PCCA: variants seen among roughly 807,000 people sequenced by gnomAD.
PCCA encodes propionyl-CoA carboxylase subunit alpha.
PCCA carries 74 observed loss-of-function variants against 101.3 expected under a neutral mutation model. The ratio of observed to expected loss-of-function variants is 0.73; its 90% CI spans 0.61 to 0.89. The LOEUF is 0.89. Among genes scored for constraint, PCCA ranks in the 40% least tolerant of loss-of-function variants. The pLI is 0.00. For missense variants in PCCA, 891 were observed against 907.0 expected (o/e 0.98, Z 0.23); for synonymous variants, 294 against 313.6 (o/e 0.94, Z 0.66).
chr13:100,199,278 T>C (rs1279322626), intron 6 of PCCA, among the ~76,000 whole-genome samples: 1 of 152,166 alleles, frequency 6.6e-6, no homozygotes. Flanking sequence ...TTGGCTTTTA[T>C]AGTAATCATT....
intron 20 of PCCA, among the ~76,000 whole-genome samples, chr13:100,433,031 C>T (rs1026090314): frequency 2.0e-5 from 3 of 152,166 alleles, no homozygotes; most frequent in Admixed American, 1.3e-4. Context: ...GTTGTTTATC[C>T]ATTCCTCTGT....
intron 12 of PCCA, among the ~76,000 whole-genome samples, chr13:100,298,436 A>G (rs1301958019): frequency 1.3e-5 from 2 of 152,132 alleles, no homozygotes; most frequent in African/African-American, 2.4e-5. Context: ...CCCCCACATA[A>G]TAGCCCTCAA....
intron 1 of PCCA, among the ~76,000 whole-genome samples, chr13:100,094,831 G>A (rs973878834): frequency 3.3e-5 from 5 of 152,068 alleles, no homozygotes; most frequent in South Asian, 4.2e-4. Context: ...CAATTGATCC[G>A]CCTGCCTCGG....
At chr13:100,118,071 G>C (rs984124086) in intron 4 of PCCA, among the ~76,000 whole-genome samples, 7 of 149,756 alleles carry the variant, frequency 4.7e-5, no homozygotes, top group South Asian at 2.1e-4. Context: ...AGCTGAGATC[G>C]TGCCACTGCA....
intron 21 of PCCA, among the ~76,000 whole-genome samples, chr13:100,506,778 G>A (rs1423898560): frequency 6.6e-6 from 1 of 152,104 alleles, no homozygotes; most frequent in Non-Finnish European, 1.5e-5. Context: ...CAGATAGGAG[G>A]AGAAAAAGGA....
chr13:100,474,835 T>C (rs537936194), intron 21 of PCCA, among the ~76,000 whole-genome samples: 99 of 152,284 alleles, frequency 6.5e-4, no homozygotes, highest in Middle Eastern at 3.4e-3. Flanking sequence ...TACAGAGAAT[T>C]TTCAAATATC....
intron 4 of PCCA, among the ~76,000 whole-genome samples, chr13:100,118,708 C>G (rs762161615): frequency 2.0e-5 from 3 of 152,018 alleles, no homozygotes; most frequent in Non-Finnish European, 2.9e-5. Context: ...GCCACCACGC[C>G]TGGCTGATTT....
intron 6 of PCCA, among the ~76,000 whole-genome samples, chr13:100,205,036 T>G (rs2152470945): frequency 6.6e-6 from 1 of 152,308 alleles, no homozygotes; most frequent in East Asian, 1.9e-4. Flanking sequence ...TATTCAGATA[T>G]TATATGTATC....
chr13:100,193,898 T>C (rs969582183), intron 6 of PCCA, among the ~76,000 whole-genome samples: 20 of 152,124 alleles, frequency 1.3e-4, no homozygotes, highest in African/African-American at 4.6e-4. Flanking sequence ...GCTAATATGG[T>C]GAAACCCCGT....
At chr13:100,462,635 A>G (rs1360717114) in intron 21 of PCCA, among the ~76,000 whole-genome samples, 1 of 152,212 alleles carries the variant, frequency 6.6e-6, no homozygotes, top group Non-Finnish European at 1.5e-5. Flanking sequence ...TGTCAAGTAC[A>G]CCTCAATAAA....
At chr13:100,299,421 T>G (rs2065880317) in intron 12 of PCCA, among the ~76,000 whole-genome samples, 1 of 152,260 alleles carries the variant, frequency 6.6e-6, no homozygotes, top group Non-Finnish European at 1.5e-5. Flanking sequence ...CATATACTTT[T>G]ATACATACAT....
At chr13:100,146,905 C>T (rs531712249) in intron 4 of PCCA, among the ~76,000 whole-genome samples, 1 of 150,806 alleles carries the variant, frequency 6.6e-6, no homozygotes, top group African/African-American at 2.5e-5. Flanking sequence ...ACAATACCTG[C>T]AAATTGGAAC....
intron 20 of PCCA, among the ~76,000 whole-genome samples, chr13:100,447,313 G>A (rs899020404): frequency 3.3e-5 from 5 of 152,070 alleles, no homozygotes; most frequent in African/African-American, 1.2e-4. Context: ...GAACCCAGGA[G>A]GCAGAGGTTG....
rs2082238125 is a variant in PCCA, at chr13:100,462,561, C to A, written c.1899+13256C>A. ...GATCTGTTAGCTTTATTATTTGTTT[C>A]TTTTATTGATAAACAGTACAGTCCA... is the stretch of plus-strand genomic sequence containing the variant. On this transcript the variant is annotated intron_variant, in intron 21 of 23. Transcript: ENST00000376285. 2.0e-5 allele frequency among the ~76,000 whole-genome samples: 3 copies of A among 152,066 alleles called. No homozygotes were observed. In the South Asian group the frequency reaches 6.2e-4, roughly 31 times the overall value.
At chr13:100,292,643 T>A (rs1322953882) in intron 12 of PCCA, among the ~76,000 whole-genome samples, 1 of 152,194 alleles carries the variant, frequency 6.6e-6, no homozygotes, top group Non-Finnish European at 1.5e-5. Context: ...ATAAAGCCTG[T>A]CTGACATCTG....
chr13:100,159,351 A>G (rs1255053720), intron 6 of PCCA, among the ~76,000 whole-genome samples: 1 of 151,952 alleles, frequency 6.6e-6, no homozygotes, highest in East Asian at 1.9e-4. Context: ...AGCTTCCCAA[A>G]GTGCTGGGAT....
intron 21 of PCCA, chr13:100,473,250 C>G (rs894660011): frequency 3.9e-5 from 6 of 152,240 alleles, no homozygotes; most frequent in African/African-American, 1.4e-4. Flanking sequence ...CTTCCCTTTT[C>G]TTTGCCTCTG....
chr13:100,089,321 C>T, intron 1 of PCCA, 96 bp downstream of exon 1: 1 of 1,320,780 alleles, frequency 7.6e-7, no homozygotes, highest in Non-Finnish European at 9.7e-7. Flanking sequence ...TGGCTGGGTC[C>T]GGCTGCCCCC....
intron 21 of PCCA, chr13:100,489,967 G>C (rs2084774368): frequency 6.6e-6 from 1 of 152,234 alleles, no homozygotes; most frequent in Non-Finnish European, 1.5e-5. Flanking sequence ...GTTCAGCATT[G>C]TCAGTTGTCA....
Sources: allele counts gnomAD v4.1 joint callset (sites outside exome capture counted in the v4.1 genomes callset), GRCh38; gene constraint gnomAD v4.1.1; transcripts MANE v1.5; gene names NCBI Gene and HGNC (gene_info 2026-07-23, HGNC 2026-07-21).